The following DLG2 variants were observed in gnomAD, a reference collection of about 807,000 sequenced individuals.
The protein encoded by DLG2 is disks large homolog 2.
A neutral mutation model predicts 132.5 loss-of-function variants in DLG2; 45 were observed. The observed-to-expected ratio is 0.34, with a 90% CI of 0.27 to 0.44. The LOEUF is 0.44. DLG2 is among the 20% of genes least tolerant of loss of function. DLG2 has a pLI of 1.00. For synonymous variants in DLG2, 424 were observed against 419.6 expected (o/e 1.01, Z -0.13); for missense variants, 1,045 against 1,196.9 (o/e 0.87, Z 1.87).
chr11:85,021,543 A>C, intron 6 of DLG2: 1 of 1,588,550 alleles, frequency 6.3e-7, no homozygotes, highest in Non-Finnish European at 8.6e-7. Context: ...CATACTTCGA[A>C]AAGATTGCCT....
At chr11:83,871,916 T>C (rs2063522506) in intron 16 of DLG2, among the ~76,000 whole-genome samples, 1 of 152,146 alleles carries the variant, frequency 6.6e-6, no homozygotes, top group Admixed American at 6.5e-5. Context: ...TAAGTGTATA[T>C]TTAACTAGTA....
At chr11:85,350,889 CA>C (rs1266294557) in intron 3 of DLG2, among the ~76,000 whole-genome samples, 4 of 152,154 alleles carry the variant, frequency 2.6e-5, no homozygotes, top group Non-Finnish European at 5.9e-5. Flanking sequence ...CTTGGCAATG[CA>C]GGCTCTTTTT....
At chr11:85,117,611 GAAA>G (rs11317554) in intron 5 of DLG2, among the ~76,000 whole-genome samples, 2 of 120,256 alleles carry the variant, frequency 1.7e-5, no homozygotes, top group African/African-American at 3.0e-5. Flanking sequence ...TAGGTAAATA[GAAA>G]AAAAAAAAAA....
At chr11:83,592,461 T>A (rs1239754880) in intron 19 of DLG2, among the ~76,000 whole-genome samples, 1 of 150,878 alleles carries the variant, frequency 6.6e-6, no homozygotes, top group South Asian at 2.1e-4. Flanking sequence ...TGAAACTGGA[T>A]CCCTTCCTTA....
chr11:83,853,094 C>T (rs908800128), intron 16 of DLG2, among the ~76,000 whole-genome samples: 2 of 152,188 alleles, frequency 1.3e-5, no homozygotes, highest in African/African-American at 4.8e-5. Flanking sequence ...TGTGTAGCCT[C>T]ATCTTCTGAC....
intron 16 of DLG2, among the ~76,000 whole-genome samples, chr11:83,841,124 G>A (rs1183711320): frequency 6.6e-6 from 1 of 152,178 alleles, no homozygotes; most frequent in Non-Finnish European, 1.5e-5. Context: ...TGAGGGCATT[G>A]TGGCCCCCAG....
At chr11:83,588,756 A>G (rs1401625197) in intron 19 of DLG2, among the ~76,000 whole-genome samples, 2 of 151,916 alleles carry the variant, frequency 1.3e-5, no homozygotes, top group African/African-American at 2.4e-5. Context: ...AATTTAGAAG[A>G]ATGTATAACT....
chr11:85,461,023 C>T (rs547177862), intron 3 of DLG2, among the ~76,000 whole-genome samples: 1 of 152,246 alleles, frequency 6.6e-6, no homozygotes, highest in South Asian at 2.1e-4. Flanking sequence ...TCTCAAAGAA[C>T]CACTGCAAAT....
chr11:83,942,229 C>A (rs1052447060), intron 14 of DLG2, among the ~76,000 whole-genome samples: 1 of 151,974 alleles, frequency 6.6e-6, no homozygotes, highest in Non-Finnish European at 1.5e-5. Context: ...GAAAAAAATT[C>A]ATTAGCATTG....
intron 4 of DLG2, among the ~76,000 whole-genome samples, chr11:85,187,939 G>A (rs899901077): frequency 1.3e-5 from 2 of 152,140 alleles, no homozygotes; most frequent in African/African-American, 2.4e-5. Context: ...GAAGATCCAC[G>A]AAATGAGACG....
chr11:84,836,309 T>C (rs1030306493), intron 6 of DLG2, among the ~76,000 whole-genome samples: 39 of 151,642 alleles, frequency 2.6e-4, no homozygotes, highest in African/African-American at 8.9e-4. Flanking sequence ...GGCGCAGGAG[T>C]GGGAAAAATA....
At chr11:83,558,584 C>G (rs76410743) in intron 19 of DLG2, among the ~76,000 whole-genome samples, 6 of 152,086 alleles carry the variant, frequency 3.9e-5, no homozygotes, top group Admixed American at 3.9e-4. Context: ...TTCTCTCTAT[C>G]GTACAAGGTT....
chr11:84,361,779 T>G lies in DLG2; in HGVS notation c.520-110488A>C, dbSNP rs991329228. ...GAAATAAAATTGTGCACAAGAGGTA[T>G]GTGCAGAGTTAAAAGCATATTATTG... On this transcript the variant is annotated intron_variant, in intron 7 of 27. Transcript: ENST00000376104. 3.3e-5 allele frequency among the ~76,000 whole-genome samples: 5 copies of G among 152,150 alleles called. No homozygotes were observed. In the East Asian group the frequency reaches 7.7e-4, roughly 24 times the overall value.
At chr11:84,216,999 A>G (rs2096844323) in intron 8 of DLG2, among the ~76,000 whole-genome samples, 1 of 152,216 alleles carries the variant, frequency 6.6e-6, no homozygotes, top group South Asian at 2.1e-4. Flanking sequence ...TGGAAGGAAA[A>G]AAGTTTGATT....
intron 14 of DLG2, among the ~76,000 whole-genome samples, chr11:83,931,603 G>T (rs575969732): frequency 6.6e-6 from 1 of 152,140 alleles, no homozygotes; most frequent in African/African-American, 2.4e-5. Context: ...TCTTTATTCA[G>T]TTTCTCTTTG....
In DLG2 at chr11:83,713,460, G is replaced by T. The variant is rs574515089; in HGVS notation, c.1825+73230C>A. Among the ~76,000 whole-genome samples the T allele has an allele frequency of 3.3e-5, 5 of 152,308 alleles. No homozygotes were observed. The East Asian group carries it at 5.8e-4, about 18-fold the overall frequency. ...AAGTATTTTTCAGGAGAAGCCTAAA[G>T]AAAGTATTTAAATGTAGGGTTCATG... On this transcript the variant is annotated intron_variant, in intron 18 of 27. Transcript: ENST00000376104.
chr11:85,402,956 T>G (rs977299879), intron 3 of DLG2, among the ~76,000 whole-genome samples: 4 of 152,142 alleles, frequency 2.6e-5, no homozygotes, highest in African/African-American at 9.7e-5. Flanking sequence ...GATCTAGAAC[T>G]GGCAATACCA....
chr11:85,575,458 T>C (rs1002542443), intron 3 of DLG2, among the ~76,000 whole-genome samples: 1 of 150,846 alleles, frequency 6.6e-6, no homozygotes, highest in Non-Finnish European at 1.5e-5. Flanking sequence ...GAGGATTGCT[T>C]GAGCCCAGGA....
At chr11:83,667,834 T>C (rs1234443146) in intron 18 of DLG2, among the ~76,000 whole-genome samples, 1 of 150,998 alleles carries the variant, frequency 6.6e-6, no homozygotes, top group South Asian at 2.1e-4. Flanking sequence ...AAAAATTAGC[T>C]GGGCATGGTG....
Sources: gnomAD v4.1 joint callset for allele counts (sites outside exome capture counted in the v4.1 genomes callset) on GRCh38, gnomAD v4.1.1 for gene constraint, MANE v1.5 for transcripts, NCBI Gene and HGNC (gene_info 2026-07-23, HGNC 2026-07-21) for gene names.